Variants in NAALADL2 observed in about 807,000 individuals in gnomAD.
NAALADL2 encodes N-acetylated alpha-linked acidic dipeptidase like 2.
NAALADL2 carries 76 observed loss-of-function variants against 87.2 expected under a neutral mutation model. The observed-to-expected ratio is 0.87, with a 90% confidence interval of 0.72 to 1.05. The LOEUF is 1.05. Among genes scored for constraint, NAALADL2 ranks in the 50% least tolerant of loss-of-function variants. The pLI is 0.00. For missense variants in NAALADL2, 1,089 were observed against 945.8 expected (o/e 1.15, Z -1.99); for synonymous variants, 354 against 331.0 (o/e 1.07, Z -0.75).
chr3:174,863,728 T>C lies in NAALADL2; in HGVS notation c.43+4278T>C, dbSNP rs1726801553. ...GGTGGGAAAAATATCTCTGTATTCA[T>C]CATCAGAAACCATGACTGTGAGTGC... On this transcript the variant is annotated intron_variant, in intron 1 of 13. Transcript: ENST00000454872. 5 of 198,748 alleles carry C rather than the reference T, an allele frequency of 2.5e-5. 1 individual carries two copies. In the South Asian group the frequency reaches 4.1e-4, roughly 16 times the overall value. 12.3% of individuals were successfully genotyped at this position (198,748 alleles called of 1,614,324 possible). A position where few individuals can be genotyped will look rare whatever the true frequency, so the allele number is the denominator to read the frequency against.
At chr3:174,889,812 T>A (rs1730648597) in intron 1 of NAALADL2, among the ~76,000 whole-genome samples, 1 of 152,182 alleles carries the variant, frequency 6.6e-6, no homozygotes, top group African/African-American at 2.4e-5. Flanking sequence ...AACATTCATG[T>A]GATTATATGA....
At chr3:175,701,839 G>T (rs1433221648) in intron 11 of NAALADL2, among the ~76,000 whole-genome samples, 1 of 152,048 alleles carries the variant, frequency 6.6e-6, no homozygotes, top group Non-Finnish European at 1.5e-5. Context: ...TCTCTATTTA[G>T]GTAATATTAA....
chr3:175,579,843 T>C (rs1200881159), intron 10 of NAALADL2, among the ~76,000 whole-genome samples: 1 of 151,914 alleles, frequency 6.6e-6, no homozygotes, highest in Non-Finnish European at 1.5e-5. Context: ...TCAGTATTTT[T>C]ATTCTCTACA....
intron 11 of NAALADL2, among the ~76,000 whole-genome samples, chr3:175,667,353 A>C (rs985747064): frequency 1.3e-5 from 2 of 152,188 alleles, no homozygotes; most frequent in South Asian, 2.1e-4. Context: ...CTCAGCTCAG[A>C]TATTGCAGAG....
chr3:174,667,799 G>A (rs1208920076), intron 2 of NAALADL2, among the ~76,000 whole-genome samples: 1 of 151,912 alleles, frequency 6.6e-6, no homozygotes, highest in Non-Finnish European at 1.5e-5. Flanking sequence ...GGAATAAGTA[G>A]GAAGTGGAGA....
chr3:174,757,485 G>T (rs1578807198), intron 3 of NAALADL2, among the ~76,000 whole-genome samples: 1 of 151,960 alleles, frequency 6.6e-6, no homozygotes, highest in African/African-American at 2.4e-5. Flanking sequence ...GATGAAAATA[G>T]AGATAACTTT....
In NAALADL2 at chr3:174,875,739, A is replaced by AT. The variant is rs1728424645; in HGVS notation, c.43+16290dup. Among the ~76,000 whole-genome samples the AT allele has an allele frequency of 2.0e-5, 3 of 151,876 alleles. No individual in the cohort carries two copies. The South Asian group carries it at 6.2e-4, about 31-fold the overall frequency. On this transcript the variant is annotated intron_variant, in intron 1 of 13. Transcript: ENST00000454872. ...TGTGTTTATAACATTGTAACAAAAA[A>AT]TAATTTTTGGCATTTTTTCATAAGC...
chr3:174,523,919 A>G (rs2108420371), intron 1 of NAALADL2, among the ~76,000 whole-genome samples: 2 of 152,282 alleles, frequency 1.3e-5, no homozygotes, highest in Admixed American at 1.3e-4. Flanking sequence ...AATGGGGTTC[A>G]GCAAGTATGA....
At chr3:174,749,717 C>G (rs1050260765) in intron 3 of NAALADL2, among the ~76,000 whole-genome samples, 2 of 152,128 alleles carry the variant, frequency 1.3e-5, no homozygotes, top group African/African-American at 4.8e-5. Context: ...GTGCTAAAAT[C>G]TGGACAATGC....
At position 175,207,408 on chromosome 3, in the gene NAALADL2, G is replaced by A. The variant is rs137950844; in HGVS notation, c.546-26523G>A. 2.0e-4 allele frequency among the ~76,000 whole-genome samples: 30 copies of A among 152,096 alleles called. No homozygotes were observed. In the East Asian group the frequency reaches 3.3e-3, roughly 17 times the overall value. On this transcript the variant is annotated intron_variant, in intron 2 of 13. Transcript: ENST00000454872. ...AATATCATATTAAAAGTTGGCTTTC[G>A]TTTCCAAATATTTAAGTAATGCTGG...
At chr3:174,618,168 G>GAA (rs1049229799) in intron 2 of NAALADL2, among the ~76,000 whole-genome samples, 2 of 151,666 alleles carry the variant, frequency 1.3e-5, no homozygotes, top group African/African-American at 2.4e-5. Context: ...TTCTTGAAGG[G>GAA]TATATACAAA....
intron 1 of NAALADL2, among the ~76,000 whole-genome samples, chr3:175,095,272 T>A (rs902889301): frequency 2.0e-5 from 3 of 152,116 alleles, no homozygotes; most frequent in African/African-American, 7.2e-5. Flanking sequence ...TATTTTCTGC[T>A]AGAATCAATC....
intron 2 of NAALADL2, among the ~76,000 whole-genome samples, chr3:174,569,149 T>A (rs2108529694): frequency 6.6e-6 from 1 of 151,938 alleles, no homozygotes. Context: ...AATGAAAAGA[T>A]TGTAAGATTA....
At chr3:175,111,362 T>G (rs1460362449) in intron 2 of NAALADL2, among the ~76,000 whole-genome samples, 1 of 151,672 alleles carries the variant, frequency 6.6e-6, no homozygotes, top group African/African-American at 2.4e-5. Context: ...ACACTCAGTG[T>G]TTAATAGAGG....
chr3:174,521,015 G>T (rs1259290731), intron 1 of NAALADL2, among the ~76,000 whole-genome samples: 1 of 152,078 alleles, frequency 6.6e-6, no homozygotes, highest in Non-Finnish European at 1.5e-5. Flanking sequence ...AAAAAAAACA[G>T]GTGTTGGCAA....
chr3:174,927,214 CT>C (rs1453214448), intron 1 of NAALADL2, among the ~76,000 whole-genome samples: 1 of 152,096 alleles, frequency 6.6e-6, no homozygotes, highest in African/African-American at 2.4e-5. Flanking sequence ...AAAGCAAGTC[CT>C]TAGAGACCTA....
Position 175,139,112 on chromosome 3 carries a change from TTC to T in NAALADL2, c.545+41823_545+41824del, listed in dbSNP as rs1352835300. On this transcript the variant is annotated intron_variant, in intron 2 of 13. Transcript: ENST00000454872. ...TCTTACCCTCTGACACTCAGGAATATTCTGTTTGAAAAATCTCCAGGTGGAAA... is the reference window on the plus strand; with the variant it reads ...TCTTACCCTCTGACACTCAGGAATATTGTTTGAAAAATCTCCAGGTGGAAA... Among the ~76,000 whole-genome samples, 8 of 151,798 alleles carry T rather than the reference TTC, an allele frequency of 5.3e-5. No homozygotes were observed. In the East Asian group the frequency reaches 1.4e-3, roughly 26 times the overall value.
chr3:174,717,767 AT>A lies in NAALADL2; in HGVS notation c.-114-19865del, dbSNP rs930497747. Among the ~76,000 whole-genome samples the A allele has an allele frequency of 1.7e-3, 256 of 151,628 alleles. 2 individuals carry two copies. The highest frequency in any genetic ancestry group is 5.9e-3 in the African/African-American group (245 of 41,356). ...ATTTCCTTGTACATTTAGGAATTGTATTTTTTTTTCTCCTGAGTCCATTGAT... is the reference window on the plus strand; with the variant it reads ...ATTTCCTTGTACATTTAGGAATTGTATTTTTTTTCTCCTGAGTCCATTGAT... On this transcript the variant is annotated intron_variant, in intron 2 of 3. Transcript: ENST00000434257.
chr3:174,846,451 TC>T (rs1383820207), intron 3 of NAALADL2, among the ~76,000 whole-genome samples: 2 of 152,190 alleles, frequency 1.3e-5, no homozygotes, highest in African/African-American at 4.8e-5. Flanking sequence ...ACAGTTATTT[TC>T]CTTGTTCTCT....
Sources: allele counts gnomAD v4.1 joint callset (sites outside exome capture counted in the v4.1 genomes callset), GRCh38; gene constraint gnomAD v4.1.1; transcripts MANE v1.5; gene names NCBI Gene and HGNC (gene_info 2026-07-23, HGNC 2026-07-21).